Variants in CYP3A43 observed in about 807,000 individuals in gnomAD.
The protein encoded by CYP3A43 is cytochrome P450 family 3 subfamily A member 43, also known as cytochrome P450 3A43.
CYP3A43 carries 45 observed loss-of-function variants against 58.0 expected under a neutral mutation model. That is an observed-to-expected ratio of 0.78 (90% CI 0.61 to 0.99). CYP3A43 has a LOEUF of 0.99. Among genes scored for constraint, CYP3A43 ranks in the 50% least tolerant of loss-of-function variants. The pLI, the probability that CYP3A43 is intolerant of heterozygous loss-of-function variation, is 0.00. For missense variants in CYP3A43, 593 were observed against 591.9 expected (o/e 1.00, Z -0.02); for synonymous variants, 191 against 201.4 (o/e 0.95, Z 0.44).
intron 8 of CYP3A43, 110 bp downstream of exon 8, chr7:99,855,828 C>A: frequency 8.0e-7 from 1 of 1,247,786 alleles, no homozygotes; most frequent in East Asian, 2.6e-5. Context: ...AGCTAGAGAA[C>A]TTTAGACCAA....
At chr7:99,859,332 C>T (rs757055897) in intron 9 of CYP3A43, among the ~76,000 whole-genome samples, 1 of 152,124 alleles carries the variant, frequency 6.6e-6, no homozygotes, top group African/African-American at 2.4e-5. Flanking sequence ...CTTGGGTTCC[C>T]GCAAACATGC....
intron 3 of CYP3A43, chr7:99,839,386 G>A: frequency 1.4e-6 from 1 of 706,812 alleles, no homozygotes; most frequent in Non-Finnish European, 2.6e-6. Context: ...TGCATATTCA[G>A]TATGTGAACA....
intron 2 of CYP3A43, among the ~76,000 whole-genome samples, chr7:99,837,687 G>C (rs527765521): frequency 1.3e-5 from 2 of 152,300 alleles, no homozygotes; most frequent in Admixed American, 1.3e-4. Flanking sequence ...AAAATAACTA[G>C]AAAGGGGATA....
chr7:99,843,593 G>A (rs975187517), intron 3 of CYP3A43, among the ~76,000 whole-genome samples: 1 of 151,948 alleles, frequency 6.6e-6, no homozygotes, highest in Non-Finnish European at 1.5e-5. Flanking sequence ...GGCTTCCCAA[G>A]TAGCTGGGAT....
chr7:99,834,853 G>A (rs377264350), intron 1 of CYP3A43, among the ~76,000 whole-genome samples: 3 of 152,174 alleles, frequency 2.0e-5, no homozygotes, highest in Non-Finnish European at 2.9e-5. Context: ...AGGGTTAAGC[G>A]AAGTGAAGTT....
Position 99,836,475 on chromosome 7 carries a change from C to G in CYP3A43, c.94C>G (p.Leu32Val). Residue 32 changes from leucine (L) to valine (V), a missense_variant, in exon 2 of 13, where the codon CTT (leucine) becomes GTT (valine). By Grantham distance (32) the Leu-to-Val change is conservative (BLOSUM62 1). Transcript: ENST00000354829. ...LYIYGTHSHK[L>V]FKKLGIPGPT... ...TAGTTATGGGACCCATTCACATAAA[C>G]TTTTTAAGAAGCTGGGAATTCCTGG... The G allele has an allele frequency of 6.2e-7, 1 of 1,610,954 alleles. No homozygotes were observed. The highest frequency in any genetic ancestry group is 8.5e-7 in the Non-Finnish European group (1 of 1,179,338).
At chr7:99,832,579 T>A (rs1011439863) in intron 1 of CYP3A43, among the ~76,000 whole-genome samples, 1 of 149,482 alleles carries the variant, frequency 6.7e-6, no homozygotes, top group Non-Finnish European at 1.5e-5. Context: ...TTAGGAGATA[T>A]ACCTAATGCT....
intron 3 of CYP3A43, among the ~76,000 whole-genome samples, chr7:99,841,294 C>G (rs918689258): frequency 6.6e-6 from 1 of 152,216 alleles, no homozygotes; most frequent in Non-Finnish European, 1.5e-5. Context: ...GTGGCCCCCT[C>G]TAATGTTTAC....
Position 99,864,273 on chromosome 7 carries a change from G to A in CYP3A43, c.1416+574G>A, listed in dbSNP as rs537346282. On this transcript the variant is annotated intron_variant, in intron 12 of 12. Transcript: ENST00000354829. ...CAATGTTGGGAATCACTAATTTAAG[G>A]CATTTCTGCCAGATAGAAAAGATAC... Among the ~76,000 whole-genome samples the A allele has an allele frequency of 2.0e-4, 30 of 148,874 alleles. 1 individual carries two copies. The South Asian group carries it at 6.0e-3, about 30-fold the overall frequency.
chr7:99,851,107 G>A (rs1817744866), intron 7 of CYP3A43, among the ~76,000 whole-genome samples: 1 of 151,654 alleles, frequency 6.6e-6, no homozygotes, highest in South Asian at 2.1e-4. Context: ...GGAGGTTACA[G>A]TGAGCTGAGA....
chr7:99,863,737 T>G (rs761112008), intron 12 of CYP3A43, 38 bp downstream of exon 12: 54 of 1,441,044 alleles, frequency 3.7e-5, no homozygotes, highest in Middle Eastern at 3.7e-4. Flanking sequence ...TTATTGGGAG[T>G]TTTTTAAACT....
chr7:99,861,556 T>G, intron 10 of CYP3A43, 57 bp from the exon 11 acceptor site: 3 of 1,488,850 alleles, frequency 2.0e-6, no homozygotes, highest in African/African-American at 1.4e-5. Context: ...CTGCATGGAC[T>G]AAGTTGAAAG....
intron 3 of CYP3A43, among the ~76,000 whole-genome samples, chr7:99,841,390 A>G (rs1054974004): frequency 3.9e-5 from 6 of 152,066 alleles, no homozygotes; most frequent in African/African-American, 7.2e-5. Flanking sequence ...CTCAAAATAT[A>G]TTTCTTTGAC....
intron 9 of CYP3A43, among the ~76,000 whole-genome samples, chr7:99,859,277 G>T (rs995270130): frequency 6.6e-6 from 1 of 152,140 alleles, no homozygotes; most frequent in Non-Finnish European, 1.5e-5. Context: ...TGGTGCTGCT[G>T]GTCCATGGAC....
intron 1 of CYP3A43, among the ~76,000 whole-genome samples, chr7:99,828,798 C>T (rs913510701): frequency 6.6e-6 from 1 of 152,196 alleles, no homozygotes; most frequent in Non-Finnish European, 1.5e-5. Flanking sequence ...TGCAGGGTTG[C>T]TCTGAAGTTC....
Position 99,861,719 on chromosome 7 carries a change from A to C in CYP3A43, c.1133A>C (p.Lys378Thr). 6.2e-7 allele frequency: 1 copy of C among 1,614,180 alleles called. No individual in the cohort carries two copies. Residue 378 changes from lysine to threonine, a missense_variant, in exon 11 of 13, where the codon AAG becomes ACG. Physicochemically the swap from Lys to Thr is moderately conservative, Grantham distance 78. Coordinates refer to ENST00000354829, the MANE Select transcript of CYP3A43 (RefSeq NM_057095.3). ...GTTAGTAGAGTTACGAGAGTCTGCA[A>C]GAAAGATATTGAAATCAATGGAGTG... ...PVVSRVTRVC[K>T]KDIEINGVFI...
rs113946492 is a variant in CYP3A43, at chr7:99,838,970, A to G, written c.166-150A>G. On this transcript the variant is annotated intron_variant, in intron 2 of 12. Transcript: ENST00000354829. ...ACTCCAGCCTGGGCAGCAGAAAAAA[A>G]GGAAAAAAAAAAGATTCCCTCTAAC... 9.8e-6 allele frequency: 9 copies of G among 914,446 alleles called. No homozygotes were observed. In the African/African-American group the frequency reaches 1.2e-4, roughly 12 times the overall value. 56.6% of individuals were successfully genotyped at this position (914,446 alleles called of 1,614,324 possible).
intron 5 of CYP3A43, 135 bp downstream of exon 5, chr7:99,847,736 G>C: frequency 7.2e-7 from 1 of 1,382,062 alleles, no homozygotes; most frequent in Non-Finnish European, 1.0e-6. Context: ...TTTCAGCTGG[G>C]CACAGTGGCT....
chr7:99,833,516 G>A (rs1584194812), intron 1 of CYP3A43, among the ~76,000 whole-genome samples: 1 of 152,216 alleles, frequency 6.6e-6, no homozygotes, highest in East Asian at 1.9e-4. Context: ...TGGGAAGGGA[G>A]GAGAGATAAG....
Sources: gnomAD v4.1 joint callset for allele counts (sites outside exome capture counted in the v4.1 genomes callset) on GRCh38, gnomAD v4.1.1 for gene constraint, MANE v1.5 for transcripts, NCBI Gene and HGNC (gene_info 2026-07-23, HGNC 2026-07-21) for gene names.